The following SEPTIN9 variants were observed in gnomAD, a reference collection of about 807,000 sequenced individuals.
SEPTIN9 encodes septin 9.
SEPTIN9 carries 13 observed loss-of-function variants against 56.6 expected under a neutral mutation model. The ratio of observed to expected loss-of-function variants is 0.23; its 90% CI spans 0.15 to 0.37. The LOEUF (loss-of-function observed/expected upper bound fraction) is 0.37, where lower values mean the gene tolerates loss of function less well. Among genes scored for constraint, SEPTIN9 ranks in the 10% least tolerant of loss-of-function variants. The pLI is 1.00. For synonymous variants in SEPTIN9, 332 were observed against 334.1 expected (o/e 0.99, Z 0.07); for missense variants, 650 against 823.1 (o/e 0.79, Z 2.57).
In SEPTIN9 at chr17:77,492,889, C is replaced by A; in HGVS notation, c.1477-91C>A. On this transcript the variant is annotated intron_variant, in intron 9 of 11. Transcript: ENST00000427177. This position sits in a 1 kb window ranked among gnomAD's most constrained non-coding sequence, Gnocchi z 5.4. ...GGCTGAGGCTCTCGTTTTTGGGGGACCCCAGGCTCAGGGCAGCTCCTCCCG... is the reference window on the plus strand; with the variant it reads ...GGCTGAGGCTCTCGTTTTTGGGGGAACCCAGGCTCAGGGCAGCTCCTCCCG... 1 of 1,329,736 alleles carries A rather than the reference C, an allele frequency of 7.5e-7. No individual in the cohort carries two copies. Among genetic ancestry groups the A allele is most frequent in the Non-Finnish European group, 1.1e-6 (1 of 940,178 alleles). The allele number at this position is 1,329,736 out of a possible 1,614,324, so 82.4% of individuals were successfully genotyped here.
At chr17:77,387,438 C>A (rs1049180343) in intron 2 of SEPTIN9, among the ~76,000 whole-genome samples, 1 of 152,216 alleles carries the variant, frequency 6.6e-6, no homozygotes, top group South Asian at 2.1e-4. Context: ...ACTCCTGTCA[C>A]ATTCACAGGT....
chr17:77,415,645 GA>G (rs75771886), intron 3 of SEPTIN9, among the ~76,000 whole-genome samples: 12 of 76,770 alleles, frequency 1.6e-4, no homozygotes, highest in Non-Finnish European at 2.5e-4. Flanking sequence ...AAAAAAAAAA[GA>G]AAAAAAAAGA....
intron 3 of SEPTIN9, chr17:77,444,733 G>A (rs757235514): frequency 2.3e-4 from 49 of 213,962 alleles, no homozygotes; most frequent in Non-Finnish European, 4.2e-4. Flanking sequence ...GTCAGATGGG[G>A]TGGGGCTGGA....
In SEPTIN9 at chr17:77,427,524, G is replaced by A. The variant is rs150146046; in HGVS notation, c.721+24821G>A. On this transcript the variant is annotated intron_variant, in intron 3 of 11. Coordinates refer to ENST00000427177, the MANE Select transcript of SEPTIN9 (RefSeq NM_001113491.2). ...TGGCAATGGGCTGGGCACAGTGAAT[G>A]GGTTCCATCTGCAGGAGTGGTCACA... Among the ~76,000 whole-genome samples the A allele has an allele frequency of 4.6e-3, 697 of 152,320 alleles. 3 individuals are homozygous for A. Among genetic ancestry groups the A allele is most frequent in the African/African-American group, 0.015 (634 of 41,568 alleles).
In SEPTIN9 at chr17:77,481,033, G is replaced by A. The variant is rs1459222371; in HGVS notation, c.722-1111G>A. On this transcript the variant is annotated intron_variant, in intron 3 of 11. Coordinates refer to ENST00000427177, the MANE Select transcript of SEPTIN9 (RefSeq NM_001113491.2). Reference sequence around the variant, plus strand: ...GCGCATGCACCAGTGAGTGTGGCGAGTCTGAGGTGTGCTGGGACCTGGCCC... The same window carrying A: ...GCGCATGCACCAGTGAGTGTGGCGAATCTGAGGTGTGCTGGGACCTGGCCC... 1.3e-5 allele frequency among the ~76,000 whole-genome samples: 2 copies of A among 152,210 alleles called. 1 individual carries two copies. The highest frequency in any genetic ancestry group is 1.3e-4 in the Admixed American group (2 of 15,292).
chr17:77,323,401 T>C lies in SEPTIN9; in HGVS notation c.76+16204T>C, dbSNP rs2033014402. ...CTTGTATTTCAGCAGGGAGAGAGTCTCCAAGAAGGGAACTTTCCACTGGGG... is the reference window on the plus strand; with the variant it reads ...CTTGTATTTCAGCAGGGAGAGAGTCCCCAAGAAGGGAACTTTCCACTGGGG... On this transcript the variant is annotated intron_variant, in intron 2 of 11. Coordinates refer to ENST00000427177, the MANE Select transcript of SEPTIN9 (RefSeq NM_001113491.2). The surrounding 1 kb of genome is among the most constrained non-coding windows in gnomAD (Gnocchi z 6.8). Among the ~76,000 whole-genome samples the C allele has an allele frequency of 6.6e-6, 1 of 152,056 alleles. No individual in the cohort carries two copies. Among genetic ancestry groups the C allele is most frequent in the Non-Finnish European group, 1.5e-5 (1 of 68,000 alleles).
chr17:77,290,380 C>T (rs2031485143), intron 1 of SEPTIN9, among the ~76,000 whole-genome samples: 1 of 151,586 alleles, frequency 6.6e-6, no homozygotes, highest in African/African-American at 2.4e-5. Context: ...GCCTCAGCAT[C>T]CCGCATAGCT....
intron 3 of SEPTIN9, among the ~76,000 whole-genome samples, chr17:77,409,206 A>G (rs2036199774): frequency 6.6e-6 from 1 of 152,076 alleles, no homozygotes; most frequent in African/African-American, 2.4e-5. Context: ...TCTAAGAACA[A>G]GTACCCTCCT....
At chr17:77,455,564 C>A (rs974389164) in intron 3 of SEPTIN9, among the ~76,000 whole-genome samples, 2 of 152,204 alleles carry the variant, frequency 1.3e-5, no homozygotes, top group African/African-American at 4.8e-5. Context: ...CAGGGGCCAC[C>A]ACAGGACCAG....
chr17:77,373,287 G>C, intron 2 of SEPTIN9: 6 of 1,157,206 alleles, frequency 5.2e-6, no homozygotes, highest in Non-Finnish European at 6.4e-6. Context: ...GGCGGGGGCG[G>C]GGCGGGGGCG....
chr17:77,486,379 C>T (rs779734932), intron 4 of SEPTIN9, among the ~76,000 whole-genome samples: 2 of 152,162 alleles, frequency 1.3e-5, no homozygotes, highest in Non-Finnish European at 2.9e-5. Context: ...GCTGGGACTA[C>T]AGGCATGAGC....
chr17:77,350,816 G>T (rs1211893291), intron 2 of SEPTIN9, among the ~76,000 whole-genome samples: 5 of 152,248 alleles, frequency 3.3e-5, no homozygotes, highest in African/African-American at 2.4e-5. Context: ...AACTAGAAGG[G>T]CTGGTGGAGA....
intron 3 of SEPTIN9, among the ~76,000 whole-genome samples, chr17:77,428,127 C>T (rs2036983075): frequency 6.6e-6 from 1 of 152,226 alleles, no homozygotes; most frequent in African/African-American, 2.4e-5. Context: ...GGCCCATAGT[C>T]ACACAGCAGG....
chr17:77,404,926 T>G (rs35722462), intron 3 of SEPTIN9: 11,364 of 220,738 alleles, frequency 0.051, 386 homozygotes, highest in Admixed American at 0.11. Flanking sequence ...ATGGGCAGTT[T>G]GCAGAGTGGC....
At position 77,319,450 on chromosome 17, in the gene SEPTIN9, G is replaced by A. The variant is rs2032822224; in HGVS notation, c.76+12253G>A. The A allele has an allele frequency of 1.5e-6, 1 of 651,198 alleles. No individual in the cohort carries two copies. Among genetic ancestry groups the A allele is most frequent in the South Asian group, 7.1e-5 (1 of 14,120 alleles). 40.3% of individuals were successfully genotyped at this position (651,198 alleles called of 1,614,324 possible). A position where few individuals can be genotyped will look rare whatever the true frequency, so the allele number is the denominator to read the frequency against. On this transcript the variant is annotated intron_variant, in intron 2 of 11. Transcript: ENST00000427177. The surrounding 1 kb of genome is among the most constrained non-coding windows in gnomAD (Gnocchi z 5.3). ...TAGAGACTCACTGACTCATGCGTGT[G>A]TGGTAGGAATCTTCCAGGAAGTCCC...
At chr17:77,356,146 G>C (rs909791203) in intron 2 of SEPTIN9, among the ~76,000 whole-genome samples, 1 of 152,108 alleles carries the variant, frequency 6.6e-6, no homozygotes, top group Non-Finnish European at 1.5e-5. Flanking sequence ...AGAGACTCAG[G>C]GAAAGTCACG....
chr17:77,481,926 G>T, intron 3 of SEPTIN9: 1 of 589,338 alleles, frequency 1.7e-6, no homozygotes, highest in South Asian at 2.1e-5. Context: ...CTTTGCTGGG[G>T]AGGCAGCGTG....
At chr17:77,404,070 A>G (rs1296180649) in intron 3 of SEPTIN9, among the ~76,000 whole-genome samples, 1 of 152,196 alleles carries the variant, frequency 6.6e-6, no homozygotes, top group Non-Finnish European at 1.5e-5. Context: ...TTCACTCAGC[A>G]TGACGTCCTA....
In SEPTIN9 at chr17:77,435,596, C is replaced by T. The variant is rs2144310679; in HGVS notation, c.721+32893C>T. Among the ~76,000 whole-genome samples, 1 of 152,332 alleles carries T rather than the reference C, an allele frequency of 6.6e-6. No homozygotes were observed. The highest frequency in any genetic ancestry group is 2.1e-4 in the South Asian group (1 of 4,834). The stretch of plus-strand genomic sequence containing the variant: ...TGCCAGTGGTCACTCATCAGCACAG[C>T]CCAGTCTCACACATGTCACTCCCAA... On this transcript the variant is annotated intron_variant, in intron 3 of 11. Transcript: ENST00000427177. This position sits in a 1 kb window ranked among gnomAD's most constrained non-coding sequence, Gnocchi z 4.5.
Sources: allele counts gnomAD v4.1 joint callset (sites outside exome capture counted in the v4.1 genomes callset), GRCh38; gene constraint gnomAD v4.1.1; non-coding constraint Gnocchi (gnomAD v3.1); transcripts MANE v1.5; gene names NCBI Gene and HGNC (gene_info 2026-07-23, HGNC 2026-07-21).